Variants in SUMF1 observed in about 807,000 individuals in gnomAD.
SUMF1 encodes sulfatase modifying factor 1.
A neutral mutation model predicts 47.6 loss-of-function variants in SUMF1; 48 were observed. That is an observed-to-expected ratio of 1.01 (90% CI 0.80 to 1.28). SUMF1 has a LOEUF of 1.28. Among genes scored for constraint, SUMF1 ranks in the 50% most tolerant of loss-of-function variants. The probability of loss-of-function intolerance (pLI) is 0.00; values close to 1 mark genes in which losing one functional copy is unlikely to be tolerated. For missense variants in SUMF1, 571 were observed against 485.4 expected, an observed-to-expected ratio of 1.18 and a Z score of -1.66; for synonymous variants, 230 against 192.1, an observed-to-expected ratio of 1.20 and a Z score of -1.63.
At chr3:4,324,924 G>A (rs764791244) in intron 8 of SUMF1, among the ~76,000 whole-genome samples, 17 of 152,056 alleles carry the variant, frequency 1.1e-4, no homozygotes, top group Non-Finnish European at 2.4e-4. Context: ...AAGAAAAAGA[G>A]GTTTAATGGA....
intron 8 of SUMF1, chr3:4,313,351 C>A: frequency 6.2e-7 from 1 of 1,613,854 alleles, no homozygotes; most frequent in Non-Finnish European, 8.5e-7. Context: ...TTATAATGGG[C>A]AGGTAATGGA....
At chr3:4,411,617 A>C (rs139295951) in intron 6 of SUMF1, among the ~76,000 whole-genome samples, 1 of 152,170 alleles carries the variant, frequency 6.6e-6, no homozygotes, top group Non-Finnish European at 1.5e-5. Flanking sequence ...TATACATTTC[A>C]AAGGCAGGTC....
At chr3:4,171,461 C>G (rs1384811094) in intron 8 of SUMF1, among the ~76,000 whole-genome samples, 1 of 152,168 alleles carries the variant, frequency 6.6e-6, no homozygotes, top group Non-Finnish European at 1.5e-5. Flanking sequence ...CAAGGGTCAT[C>G]TGAATCATTC....
chr3:4,240,289 A>G (rs556944347), intron 8 of SUMF1, among the ~76,000 whole-genome samples: 6 of 152,120 alleles, frequency 3.9e-5, no homozygotes, highest in African/African-American at 1.4e-4. Flanking sequence ...CTCATAAAAT[A>G]AGTTAGGGAG....
intron 8 of SUMF1, among the ~76,000 whole-genome samples, chr3:4,372,862 A>C (rs938198250): frequency 6.6e-6 from 1 of 152,218 alleles, no homozygotes; most frequent in Admixed American, 6.5e-5. Context: ...CACAACCGAC[A>C]CTATGCTATT....
chr3:4,112,272 A>G (rs1693325550), intron 8 of SUMF1, among the ~76,000 whole-genome samples: 1 of 152,114 alleles, frequency 6.6e-6, no homozygotes, highest in Admixed American at 6.5e-5. Context: ...GGAACAAAAC[A>G]TTTCTAAGCC....
At chr3:4,081,394 T>C (rs963852207) in intron 8 of SUMF1, among the ~76,000 whole-genome samples, 2 of 152,160 alleles carry the variant, frequency 1.3e-5, no homozygotes, top group African/African-American at 4.8e-5. Context: ...CATATTCTCA[T>C]TGGCTGGCAC....
chr3:4,260,358 G>C (rs1021765196), intron 8 of SUMF1, among the ~76,000 whole-genome samples: 2 of 152,130 alleles, frequency 1.3e-5, no homozygotes, highest in Non-Finnish European at 2.9e-5. Context: ...TCTCCTACTT[G>C]TTGTTGCTGT....
chr3:4,449,170 G>C (rs1314044473), intron 3 of SUMF1, 96 bp downstream of exon 3: 1 of 1,303,468 alleles, frequency 7.7e-7, no homozygotes, highest in Non-Finnish European at 1.1e-6. Context: ...AGGTGTTACA[G>C]GGAGAGGAAG....
At chr3:4,395,747 C>T (rs141487644) in intron 7 of SUMF1, among the ~76,000 whole-genome samples, 206 of 152,300 alleles carry the variant, frequency 1.4e-3, no homozygotes, top group African/African-American at 4.6e-3. Context: ...GCTTATACCA[C>T]GGTGGCTCCT....
At chr3:4,418,211 T>C (rs2125036235) in intron 4 of SUMF1, 79 bp from the exon 5 acceptor site, 1 of 1,595,496 alleles carries the variant, frequency 6.3e-7, no homozygotes, top group South Asian at 1.1e-5. Flanking sequence ...AAAGCGCCCA[T>C]AATCCCCCTC....
At chr3:4,175,529 C>G (rs1380667611) in intron 8 of SUMF1, among the ~76,000 whole-genome samples, 3 of 152,188 alleles carry the variant, frequency 2.0e-5, no homozygotes, top group Non-Finnish European at 2.9e-5. Flanking sequence ...AAAACCCCAT[C>G]TGTAGGTGAC....
At chr3:4,430,789 AGGG>A (rs1702209111) in intron 3 of SUMF1, among the ~76,000 whole-genome samples, 1 of 152,094 alleles carries the variant, frequency 6.6e-6, no homozygotes, top group South Asian at 2.1e-4. Context: ...AATCAAAGTC[AGGG>A]GGGTGATGCC....
chr3:4,177,717 C>T (rs988124360), intron 8 of SUMF1, among the ~76,000 whole-genome samples: 3 of 151,900 alleles, frequency 2.0e-5, no homozygotes, highest in African/African-American at 7.2e-5. Context: ...GATAGAGACA[C>T]AAAAAACCAT....
intron 8 of SUMF1, among the ~76,000 whole-genome samples, chr3:4,213,059 G>C (rs983868139): frequency 3.9e-5 from 6 of 151,962 alleles, no homozygotes; most frequent in African/African-American, 1.5e-4. Flanking sequence ...GAAATACAGA[G>C]AACACCACAA....
intron 8 of SUMF1, among the ~76,000 whole-genome samples, chr3:4,301,856 G>A (rs932172060): frequency 2.0e-5 from 3 of 152,240 alleles, no homozygotes; most frequent in African/African-American, 7.2e-5. Flanking sequence ...AGAAACGTCT[G>A]ATCTGGGTTG....
At chr3:4,418,175 A>G (rs1487164890) in intron 4 of SUMF1, 43 bp from the exon 5 acceptor site, 1 of 1,613,098 alleles carries the variant, frequency 6.2e-7, no homozygotes, top group Non-Finnish European at 8.5e-7. Context: ...CACCAATCAG[A>G]ACAAGAAGCA....
rs529901376 is a variant in SUMF1 at position 4,118,724 on chromosome 3, T to C, written c.1015-49979A>G. On this transcript the variant is annotated intron_variant and NMD_transcript_variant, in intron 8 of 12. Coordinates refer to the SUMF1 transcript ENST00000448413. ...ATGCTACTTGAGAAGTATGTAACATTTGTCATGTGACCACTCCCCAACCCT... is the reference window on the plus strand; with the variant it reads ...ATGCTACTTGAGAAGTATGTAACATCTGTCATGTGACCACTCCCCAACCCT... Among the ~76,000 whole-genome samples, 18 of 152,220 alleles carry C rather than the reference T, an allele frequency of 1.2e-4. No homozygotes were observed. In the South Asian group the frequency reaches 1.7e-3, roughly 14 times the overall value.
intron 8 of SUMF1, among the ~76,000 whole-genome samples, chr3:4,194,962 C>A (rs1695396880): frequency 6.6e-6 from 1 of 152,090 alleles, no homozygotes; most frequent in South Asian, 2.1e-4. Flanking sequence ...AGGCTGTCTG[C>A]CAAAACTGAT....
Sources: allele counts gnomAD v4.1 joint callset (sites outside exome capture counted in the v4.1 genomes callset), GRCh38; gene constraint gnomAD v4.1.1; transcripts MANE v1.5; gene names NCBI Gene and HGNC (gene_info 2026-07-23, HGNC 2026-07-21).